The following HNRNPC variants were observed in gnomAD, a reference collection of about 807,000 sequenced individuals.
The protein encoded by HNRNPC is heterogeneous nuclear ribonucleoprotein C.
In HNRNPC, 3 loss-of-function variants were observed where a neutral mutation model predicts 33.2. The observed-to-expected ratio is 0.09, with a 90% CI of 0.04 to 0.23. The LOEUF (loss-of-function observed/expected upper bound fraction) is 0.23, where lower values mean the gene tolerates loss of function less well. Ranked by LOEUF, HNRNPC falls within the 10% of genes least tolerant of loss-of-function variation. HNRNPC has a pLI of 1.00. For missense variants in HNRNPC, 143 were observed against 366.7 expected, an observed-to-expected ratio of 0.39 and a Z score of 4.98; for synonymous variants, 121 against 126.7, an observed-to-expected ratio of 0.96 and a Z score of 0.30.
chr14:21,244,071 CAGGCTGGATTGCAGTGTTGCGATCTTCG>C (rs1895669999), intron 2 of HNRNPC, among the ~76,000 whole-genome samples: 1 of 151,748 alleles, frequency 6.6e-6, no homozygotes, highest in African/African-American at 2.4e-5. Flanking sequence ...TCTTGTTGCC[CAGGCTGGATTGCAGTGTTGCGATCTTCG>C]ATCACTGCAA....
intron 2 of HNRNPC, among the ~76,000 whole-genome samples, chr14:21,240,582 G>C (rs1895225347): frequency 6.6e-6 from 1 of 152,180 alleles, no homozygotes; most frequent in Non-Finnish European, 1.5e-5. Flanking sequence ...GAGCCAAAAT[G>C]AATTTGAACA....
chr14:21,239,123 CAAAA>C (rs994482918), intron 2 of HNRNPC, among the ~76,000 whole-genome samples: 5 of 152,048 alleles, frequency 3.3e-5, no homozygotes, highest in African/African-American at 1.2e-4. Flanking sequence ...GACACTGTCT[CAAAA>C]ACAAACAAAC....
At chr14:21,246,149 A>G (rs953537743) in intron 2 of HNRNPC, among the ~76,000 whole-genome samples, 3 of 152,272 alleles carry the variant, frequency 2.0e-5, no homozygotes, top group Admixed American at 1.3e-4. Flanking sequence ...TTAAGGGGCC[A>G]TAATATATGT....
intron 2 of HNRNPC, among the ~76,000 whole-genome samples, chr14:21,254,338 G>A (rs556672289): frequency 1.8e-4 from 27 of 152,122 alleles, no homozygotes; most frequent in African/African-American, 6.0e-4. Flanking sequence ...TCAGAGATCT[G>A]TATCTACTAA....
chr14:21,223,396 A>C (rs1893057873), intron 5 of HNRNPC, among the ~76,000 whole-genome samples: 1 of 152,114 alleles, frequency 6.6e-6, no homozygotes, highest in South Asian at 2.1e-4. Flanking sequence ...CTACTAAACG[A>C]GTCTAGGACA....
At chr14:21,228,227 T>C (rs1419018118) in intron 5 of HNRNPC, among the ~76,000 whole-genome samples, 2 of 152,238 alleles carry the variant, frequency 1.3e-5, no homozygotes, top group African/African-American at 4.8e-5. Context: ...TAATGTTCCA[T>C]TACTGGAATG....
At chr14:21,258,274 C>T (rs1398016827) in intron 2 of HNRNPC, among the ~76,000 whole-genome samples, 1 of 151,958 alleles carries the variant, frequency 6.6e-6, no homozygotes, top group Non-Finnish European at 1.5e-5. Flanking sequence ...CCTGCAATCC[C>T]AGCTACTCAG....
At chr14:21,228,373 G>A (rs913024235) in intron 5 of HNRNPC, among the ~76,000 whole-genome samples, 1 of 152,070 alleles carries the variant, frequency 6.6e-6, no homozygotes, top group Non-Finnish European at 1.5e-5. Context: ...TTTTCAACTG[G>A]AAGTTCTCCA....
At chr14:21,235,021 T>C (rs1894531218) in intron 2 of HNRNPC, among the ~76,000 whole-genome samples, 1 of 152,120 alleles carries the variant, frequency 6.6e-6, no homozygotes, top group Admixed American at 6.5e-5. Context: ...AATTAAAGAT[T>C]GGGGAATTAA....
intron 1 of HNRNPC, among the ~76,000 whole-genome samples, chr14:21,267,491 C>T (rs1453645030): frequency 6.6e-6 from 1 of 152,096 alleles, no homozygotes; most frequent in Non-Finnish European, 1.5e-5. Flanking sequence ...TGTTTAAATT[C>T]TCTACAGAAG....
chr14:21,221,701 T>C (rs986237235), intron 5 of HNRNPC, among the ~76,000 whole-genome samples: 3 of 152,160 alleles, frequency 2.0e-5, no homozygotes, highest in Non-Finnish European at 4.4e-5. Context: ...CTACAACTAA[T>C]TCTACAACCT....
intron 1 of HNRNPC, among the ~76,000 whole-genome samples, chr14:21,268,884 T>C (rs952152564): frequency 1.3e-5 from 2 of 152,070 alleles, no homozygotes; most frequent in Admixed American, 1.3e-4. Context: ...TACATCTACT[T>C]GGTAACCTTC....
chr14:21,257,279 G>C (rs549535160), intron 2 of HNRNPC, among the ~76,000 whole-genome samples: 79 of 152,128 alleles, frequency 5.2e-4, no homozygotes, highest in Non-Finnish European at 1.0e-3. Context: ...TGGACCCAGA[G>C]TGTGGACAGA....
intron 2 of HNRNPC, among the ~76,000 whole-genome samples, chr14:21,241,275 A>C (rs1441228762): frequency 6.6e-6 from 1 of 151,342 alleles, no homozygotes; most frequent in South Asian, 2.1e-4. Flanking sequence ...AAAAAAAAAA[A>C]ACCACAACCA....
chr14:21,259,204 T>C (rs986000351), intron 2 of HNRNPC, among the ~76,000 whole-genome samples: 3 of 152,192 alleles, frequency 2.0e-5, no homozygotes, highest in African/African-American at 7.2e-5. Flanking sequence ...TATGGTTTTC[T>C]TACAGAATGA....
At chr14:21,242,902 C>T (rs1191529803) in intron 2 of HNRNPC, among the ~76,000 whole-genome samples, 1 of 152,072 alleles carries the variant, frequency 6.6e-6, no homozygotes, top group Non-Finnish European at 1.5e-5. Flanking sequence ...AACTAGGGGC[C>T]TTTTTCTAGA....
intron 2 of HNRNPC, among the ~76,000 whole-genome samples, chr14:21,247,761 C>CT (rs1232379575): frequency 6.6e-6 from 1 of 150,406 alleles, no homozygotes; most frequent in East Asian, 2.0e-4. Context: ...ACCAGCTTGA[C>CT]TAACATGGTG....
chr14:21,211,852 C>G lies in HNRNPC; in HGVS notation c.595G>C (p.Glu199Gln). The change falls in exon 7 of 9, where the codon GAA becomes CAA. Residue 199 changes from glutamate to glutamine, a missense_variant. Physicochemically the swap from Glu to Gln is conservative, Grantham distance 29. Transcript: ENST00000553300. The stretch of plus-strand genomic sequence containing the variant: ...TCCTTTTCAATTTTTTCCAGGTTTT[C>G]CAGGAGAGAATCCACTTTTTGTTTT... Reference protein sequence around the residue: ...QIKQKVDSLLENLEKIEKEQS... With the variant: ...QIKQKVDSLLQNLEKIEKEQS... The G allele has an allele frequency of 6.2e-7, 1 of 1,612,948 alleles. No individual in the cohort carries two copies. The highest frequency in any genetic ancestry group is 8.5e-7 in the Non-Finnish European group (1 of 1,179,940).
intron 2 of HNRNPC, among the ~76,000 whole-genome samples, chr14:21,239,767 GGGAGGATGACACA>G (rs1895138611): frequency 6.6e-6 from 1 of 151,934 alleles, no homozygotes. Flanking sequence ...CCAGCTACTT[GGGAGGATGACACA>G]GGAAAATCCC....
Sources: allele counts gnomAD v4.1 joint callset (sites outside exome capture counted in the v4.1 genomes callset), GRCh38; gene constraint gnomAD v4.1.1; transcripts MANE v1.5; gene names NCBI Gene and HGNC (gene_info 2026-07-23, HGNC 2026-07-21).